The following WDR72 variants were observed in gnomAD, a reference collection of about 807,000 sequenced individuals.
WDR72 encodes the protein WD repeat-containing protein 72.
In WDR72, 120 loss-of-function variants were observed where a neutral mutation model predicts 124.2. That is an observed-to-expected ratio of 0.97 (90% CI 0.83 to 1.12). The LOEUF (loss-of-function observed/expected upper bound fraction) is 1.12, where lower values mean the gene tolerates loss of function less well. Ranked by LOEUF, WDR72 falls within the 50% of genes most tolerant of loss-of-function variation. The pLI is 0.00. For synonymous variants in WDR72, 452 were observed against 441.7 expected (o/e 1.02, Z -0.29); for missense variants, 1,387 against 1,278.8 (o/e 1.08, Z -1.29).
At chr15:53,686,759 T>G (rs555650175) in intron 13 of WDR72, among the ~76,000 whole-genome samples, 5,283 of 149,454 alleles carry the variant, frequency 0.035, 349 homozygotes, top group African/African-American at 0.13. Context: ...AGAATATACA[T>G]TTTTTTCAGC....
At chr15:53,615,348 G>C (rs112707582) in intron 15 of WDR72, 78 bp downstream of exon 15, 37 of 1,191,384 alleles carry the variant, frequency 3.1e-5, no homozygotes, top group African/African-American at 2.9e-4. Flanking sequence ...GAATGTTAAA[G>C]AGCTAAATAT....
chr15:53,582,758 C>T (rs983663878), intron 18 of WDR72, among the ~76,000 whole-genome samples: 1 of 151,830 alleles, frequency 6.6e-6, no homozygotes, highest in Non-Finnish European at 1.5e-5. Context: ...AGCAAATTTA[C>T]CATGAAGAAA....
intron 14 of WDR72, among the ~76,000 whole-genome samples, chr15:53,630,670 A>T (rs1370384750): frequency 1.3e-5 from 2 of 152,220 alleles, no homozygotes; most frequent in Non-Finnish European, 2.9e-5. Flanking sequence ...ATTTCATAAT[A>T]AAAAACACCC....
At chr15:53,600,982 A>C (rs1424650696) in intron 17 of WDR72, among the ~76,000 whole-genome samples, 1 of 152,196 alleles carries the variant, frequency 6.6e-6, no homozygotes, top group African/African-American at 2.4e-5. Context: ...CAGCAAAATT[A>C]ATTCATTCTT....
At chr15:53,610,755 T>C (rs2013505202) in intron 16 of WDR72, among the ~76,000 whole-genome samples, 1 of 152,088 alleles carries the variant, frequency 6.6e-6, no homozygotes, top group African/African-American at 2.4e-5. Flanking sequence ...AAGAACACTA[T>C]ATAAAACATG....
intron 13 of WDR72, among the ~76,000 whole-genome samples, chr15:53,685,865 C>T (rs9745086): frequency 9.4e-6 from 1 of 105,966 alleles, no homozygotes; most frequent in South Asian, 3.3e-4. Context: ...GGATCTCTCA[C>T]CAGAAACCCT....
intron 14 of WDR72, among the ~76,000 whole-genome samples, chr15:53,631,098 A>G (rs539279961): frequency 6.6e-5 from 10 of 152,280 alleles, no homozygotes; most frequent in Admixed American, 3.9e-4. Context: ...ATAATCCCCA[A>G]TGCTGGAGGT....
At chr15:53,758,684 G>A (rs866420612) in intron 1 of WDR72, among the ~76,000 whole-genome samples, 1 of 145,266 alleles carries the variant, frequency 6.9e-6, no homozygotes, top group Non-Finnish European at 1.5e-5. Context: ...GGAAGGGGTG[G>A]AGGAAAACAC....
chr15:53,608,535 G>A (rs1233341838), intron 17 of WDR72, among the ~76,000 whole-genome samples: 4 of 151,368 alleles, frequency 2.6e-5, no homozygotes, highest in Non-Finnish European at 4.4e-5. Context: ...TGGGAGGATC[G>A]CTTGAGCCCA....
intron 18 of WDR72, among the ~76,000 whole-genome samples, chr15:53,548,656 T>C (rs1893595540): frequency 6.6e-6 from 1 of 152,058 alleles, no homozygotes; most frequent in African/African-American, 2.4e-5. Context: ...TTTTTTTTTT[T>C]TTGGTGGGGG....
chr15:53,657,136 CA>C (rs2015452450), intron 14 of WDR72, among the ~76,000 whole-genome samples: 3 of 151,396 alleles, frequency 2.0e-5, no homozygotes, highest in Non-Finnish European at 4.4e-5. Context: ...TGGTGGCATG[CA>C]CTTGTAGTCC....
intron 3 of WDR72, 83 bp from the exon 4 acceptor site, chr15:53,716,768 T>TAGTGCTGCACTTAAG: frequency 1.1e-6 from 1 of 876,038 alleles, no homozygotes; most frequent in Non-Finnish European, 1.9e-6. Context: ...AGTTTTTCTT[T>TAGTGCTGCACTTAAG]AGCAGCCTGA....
intron 14 of WDR72, among the ~76,000 whole-genome samples, chr15:53,645,990 C>G (rs2015027582): frequency 6.6e-6 from 1 of 152,058 alleles, no homozygotes; most frequent in Non-Finnish European, 1.5e-5. Context: ...CAAAACTGTC[C>G]CAGGGAACCT....
chr15:53,613,306 T>C (rs2013621514), intron 16 of WDR72, among the ~76,000 whole-genome samples: 1 of 152,102 alleles, frequency 6.6e-6, no homozygotes, highest in Admixed American at 6.6e-5. Context: ...ACTTAACATA[T>C]AAGTATTTCC....
intron 10 of WDR72, 88 bp from the exon 11 acceptor site, chr15:53,705,321 TATGAATACAGTGTTACAGCCTATCCCA>T: frequency 8.0e-7 from 1 of 1,245,124 alleles, no homozygotes; most frequent in Non-Finnish European, 1.2e-6. Context: ...CCTTCAAAAA[TATGAATACAGTGTTACAGCCTATCCCA>T]GATTCATATT....
In WDR72 at chr15:53,520,944, C is replaced by T. The variant is rs568976279; in HGVS notation, c.3253+2274G>A. The stretch of plus-strand genomic sequence containing the variant: ...AATCTTTCTTACTAAACAAGCACCT[C>T]TGTCAGAAGTGTCTTAATTTCTTAT... On this transcript the variant is annotated intron_variant, in intron 19 of 19. Transcript: ENST00000360509. Among the ~76,000 whole-genome samples, 8 of 152,174 alleles carry T rather than the reference C, an allele frequency of 5.3e-5. No homozygotes were observed. In the South Asian group the frequency reaches 1.7e-3, roughly 32 times the overall value.
At position 53,651,057 on chromosome 15, in the gene WDR72, T is replaced by A. The variant is rs185163085; in HGVS notation, c.1962+14515A>T. 2.0e-5 allele frequency among the ~76,000 whole-genome samples: 3 copies of A among 152,074 alleles called. No individual in the cohort carries two copies. In the East Asian group the frequency reaches 5.8e-4, roughly 29 times the overall value. On this transcript the variant is annotated intron_variant, in intron 14 of 19. Transcript: ENST00000360509. ...TATTACACCCAACATATTCTGTCCG[T>A]CCCTCACTTTTCAATATTGACTCTT... is the stretch of plus-strand genomic sequence containing the variant.
chr15:53,747,054 T>C (rs1227877346), intron 1 of WDR72, among the ~76,000 whole-genome samples: 1 of 152,128 alleles, frequency 6.6e-6, no homozygotes, highest in African/African-American at 2.4e-5. Flanking sequence ...GAATGAGATC[T>C]ACTTTAACCG....
chr15:53,680,820 G>C (rs957302551), intron 13 of WDR72, among the ~76,000 whole-genome samples: 5 of 152,172 alleles, frequency 3.3e-5, no homozygotes, highest in Non-Finnish European at 7.3e-5. Flanking sequence ...CTCAGCATAT[G>C]GGTCTCAGTG....
Sources: allele counts gnomAD v4.1 joint callset (sites outside exome capture counted in the v4.1 genomes callset), GRCh38; gene constraint gnomAD v4.1.1; transcripts MANE v1.5; gene names NCBI Gene and HGNC (gene_info 2026-07-23, HGNC 2026-07-21).